The following CFAP54 variants were observed in gnomAD, a reference collection of about 807,000 sequenced individuals.
CFAP54 encodes the protein cilia- and flagella-associated protein 54.
In CFAP54, 290 loss-of-function variants were observed where a neutral mutation model predicts 370.4. The observed-to-expected ratio is 0.78, with a 90% CI of 0.71 to 0.86. The LOEUF (loss-of-function observed/expected upper bound fraction) is 0.86, where lower values mean the gene tolerates loss of function less well. Among genes scored for constraint, CFAP54 ranks in the 40% least tolerant of loss-of-function variants. The pLI, the probability that CFAP54 is intolerant of heterozygous loss-of-function variation, is 0.00. For missense variants in CFAP54, 3,399 were observed against 3,528.7 expected, an observed-to-expected ratio of 0.96 and a Z score of 0.93; for synonymous variants, 1,206 against 1,236.5, an observed-to-expected ratio of 0.98 and a Z score of 0.52.
chr12:96,664,709 A>C (rs370138027), intron 39 of CFAP54, among the ~76,000 whole-genome samples: 13 of 7,532 alleles, frequency 1.7e-3, no homozygotes, highest in Admixed American at 3.7e-3. Flanking sequence ...ATATATATAT[A>C]TATATCTATA....
At chr12:96,707,920 A>G (rs1253916059) in intron 47 of CFAP54, among the ~76,000 whole-genome samples, 3 of 150,846 alleles carry the variant, frequency 2.0e-5, no homozygotes, top group Admixed American at 1.3e-4. Flanking sequence ...TCTAAGAAAG[A>G]GAGAGAGGGT....
intron 30 of CFAP54, among the ~76,000 whole-genome samples, chr12:96,628,048 A>G (rs764030754): frequency 2.0e-4 from 31 of 152,248 alleles, no homozygotes; most frequent in Non-Finnish European, 3.7e-4. Flanking sequence ...AACATGCTGT[A>G]TGGGTTTGTA....
At chr12:96,743,706 A>G in intron 53 of CFAP54, 25 bp from the exon 54 acceptor site, 1 of 1,570,550 alleles carries the variant, frequency 6.4e-7, no homozygotes, top group Non-Finnish European at 8.6e-7. Context: ...CAGTACTATC[A>G]AAATGAATAA....
intron 50 of CFAP54, among the ~76,000 whole-genome samples, chr12:96,733,763 G>C (rs994047615): frequency 6.6e-6 from 1 of 152,134 alleles, no homozygotes; most frequent in African/African-American, 2.4e-5. Flanking sequence ...AAGCAGTACC[G>C]AGTGGATTAG....
In CFAP54 at chr12:96,523,126, G is replaced by A. The variant is rs73374067; in HGVS notation, c.1158+937G>A. On this transcript the variant is annotated intron_variant, in intron 8 of 67. Transcript: ENST00000524981. ...GATGGATATACACCCTCTTCTGCGA[G>A]CTTCCATGTAGAGATTGAAAATGAA... 1.4e-3 allele frequency among the ~76,000 whole-genome samples: 217 copies of A among 152,244 alleles called. 1 individual carries two copies. The highest frequency in any genetic ancestry group is 5.1e-3 in the African/African-American group (210 of 41,544).
chr12:96,602,988 A>T (rs1306111216), intron 26 of CFAP54, among the ~76,000 whole-genome samples: 1 of 152,182 alleles, frequency 6.6e-6, no homozygotes, highest in Non-Finnish European at 1.5e-5. Flanking sequence ...TGTGAATTTG[A>T]TCATGTCGTT....
At chr12:96,848,350 C>T (rs745449138) in intron 66 of CFAP54, among the ~76,000 whole-genome samples, 2 of 152,056 alleles carry the variant, frequency 1.3e-5, no homozygotes, top group Admixed American at 6.5e-5. Flanking sequence ...GCGTTACAGG[C>T]GTGAGCCACC....
chr12:96,698,180 G>C (rs1299716600), intron 45 of CFAP54, among the ~76,000 whole-genome samples: 1 of 152,030 alleles, frequency 6.6e-6, no homozygotes, highest in African/African-American at 2.4e-5. Flanking sequence ...CCTCCAAGAG[G>C]GCTTGGTACA....
At chr12:96,560,359 A>G (rs1217892316) in intron 17 of CFAP54, among the ~76,000 whole-genome samples, 1 of 152,048 alleles carries the variant, frequency 6.6e-6, no homozygotes, top group Non-Finnish European at 1.5e-5. Flanking sequence ...GCTCTCACAT[A>G]TGTCTGAGAA....
At chr12:96,670,754 G>T (rs973268235) in intron 39 of CFAP54, among the ~76,000 whole-genome samples, 3 of 152,188 alleles carry the variant, frequency 2.0e-5, no homozygotes, top group African/African-American at 7.2e-5. Context: ...AGAGAGAGAA[G>T]TCACATAAGA....
At chr12:96,717,026 G>A (rs1957689917) in intron 48 of CFAP54, among the ~76,000 whole-genome samples, 1 of 152,138 alleles carries the variant, frequency 6.6e-6, no homozygotes, top group African/African-American at 2.4e-5. Context: ...CCTTCCTAAG[G>A]CATCAGGACT....
chr12:96,583,698 C>T (rs1956051416), intron 22 of CFAP54, among the ~76,000 whole-genome samples: 1 of 152,096 alleles, frequency 6.6e-6, no homozygotes, highest in East Asian at 1.9e-4. Context: ...AGAAATGTAC[C>T]CAAGGTTGCT....
intron 60 of CFAP54, among the ~76,000 whole-genome samples, chr12:96,779,429 T>C (rs1372831334): frequency 6.6e-6 from 1 of 152,072 alleles, no homozygotes; most frequent in Admixed American, 6.6e-5. Context: ...TTGGTAAACA[T>C]TTGGGGTTAT....
At chr12:96,565,623 A>G (rs1955859052) in intron 19 of CFAP54, among the ~76,000 whole-genome samples, 1 of 152,170 alleles carries the variant, frequency 6.6e-6, no homozygotes, top group Non-Finnish European at 1.5e-5. Flanking sequence ...ATTGAAGATA[A>G]TAAGAGGGAA....
chr12:96,791,065 G>T (rs1958686907), intron 62 of CFAP54, among the ~76,000 whole-genome samples: 1 of 152,022 alleles, frequency 6.6e-6, no homozygotes, highest in Admixed American at 6.6e-5. Flanking sequence ...CTCAAACCTT[G>T]ACAGGCCTTA....
chr12:96,748,349 T>C (rs1958141535), intron 55 of CFAP54, among the ~76,000 whole-genome samples: 1 of 152,226 alleles, frequency 6.6e-6, no homozygotes, highest in Admixed American at 6.5e-5. Context: ...AGTTCTTTCC[T>C]TTTTAAAGAA....
intron 25 of CFAP54, among the ~76,000 whole-genome samples, chr12:96,596,349 CTAATT>C (rs892032688): frequency 1.3e-5 from 2 of 151,990 alleles, no homozygotes; most frequent in African/African-American, 4.8e-5. Flanking sequence ...AAAGAAGTCT[CTAATT>C]GAATTGTATT....
In CFAP54 at chr12:96,521,980, T is replaced by C; in HGVS notation, c.1056+10T>C. The C allele has an allele frequency of 6.5e-7, 1 of 1,530,374 alleles. No individual in the cohort carries two copies. The highest frequency in any genetic ancestry group is 8.8e-7 in the Non-Finnish European group (1 of 1,142,540). The allele number at this position is 1,530,374 out of a possible 1,614,324, so 94.8% of individuals were successfully genotyped here. ...AGAGGCCACAATGAAGGTATAAAAA[T>C]TTCATGAAATAAAAGAAATTTACCA... On this transcript the variant is annotated intron_variant, in intron 7 of 67. Coordinates refer to ENST00000524981, the MANE Select transcript of CFAP54 (RefSeq NM_001306084.2).
At chr12:96,670,118 G>A (rs933034458) in intron 39 of CFAP54, among the ~76,000 whole-genome samples, 1 of 152,180 alleles carries the variant, frequency 6.6e-6, no homozygotes, top group African/African-American at 2.4e-5. Context: ...TTGTTTCCAA[G>A]TCAGAAAACA....
Sources: allele counts gnomAD v4.1 joint callset (sites outside exome capture counted in the v4.1 genomes callset), GRCh38; gene constraint gnomAD v4.1.1; transcripts MANE v1.5; gene names NCBI Gene and HGNC (gene_info 2026-07-23, HGNC 2026-07-21).